Variants in ARHGAP44 observed in about 807,000 individuals in gnomAD.
ARHGAP44 encodes rho GTPase-activating protein 44.
Under a neutral mutation model 106.8 loss-of-function variants are expected in ARHGAP44, and 43 were observed. The observed-to-expected ratio is 0.40, with a 90% CI of 0.32 to 0.52. ARHGAP44 has a LOEUF of 0.52. Among genes scored for constraint, ARHGAP44 ranks in the 20% least tolerant of loss-of-function variants. ARHGAP44 has a pLI of 0.48. For missense variants in ARHGAP44, 866 were observed against 1,050.5 expected, an observed-to-expected ratio of 0.82 and a Z score of 2.43; for synonymous variants, 439 against 410.3, an observed-to-expected ratio of 1.07 and a Z score of -0.85.
intron 12 of ARHGAP44, among the ~76,000 whole-genome samples, chr17:12,951,715 A>G (rs2038995539): frequency 1.3e-5 from 2 of 152,204 alleles, no homozygotes; most frequent in African/African-American, 4.8e-5. Context: ...ACATGCATGT[A>G]GTACCTAAGA....
chr17:12,897,582 T>C (rs2037248741), intron 3 of ARHGAP44, among the ~76,000 whole-genome samples: 1 of 152,136 alleles, frequency 6.6e-6, no homozygotes, highest in African/African-American at 2.4e-5. Flanking sequence ...CAAGAGGAAC[T>C]GTCTAAAGGG....
chr17:12,895,977 A>G (rs1206114691), intron 2 of ARHGAP44, among the ~76,000 whole-genome samples: 1 of 152,116 alleles, frequency 6.6e-6, no homozygotes, highest in African/African-American at 2.4e-5. Context: ...GCTGGAAACC[A>G]TCATTCTGAG....
intron 1 of ARHGAP44, among the ~76,000 whole-genome samples, chr17:12,870,707 A>G (rs1378898634): frequency 3.3e-5 from 5 of 152,200 alleles, no homozygotes; most frequent in Middle Eastern, 3.2e-3. Context: ...CTGCTAGTTT[A>G]CATACACATA....
At chr17:12,963,657 G>A (rs1390280941) in intron 16 of ARHGAP44, among the ~76,000 whole-genome samples, 1 of 152,028 alleles carries the variant, frequency 6.6e-6, no homozygotes, top group Non-Finnish European at 1.5e-5. Flanking sequence ...AGACAGGTCG[G>A]CCTTGCACCA....
chr17:12,904,714 G>A (rs140672346), intron 3 of ARHGAP44, among the ~76,000 whole-genome samples: 94 of 152,268 alleles, frequency 6.2e-4, no homozygotes, highest in Middle Eastern at 3.4e-3. Context: ...GTATGCTAAC[G>A]TGGGGAGAAA....
chr17:12,946,823 C>T (rs1469455232), intron 10 of ARHGAP44, among the ~76,000 whole-genome samples: 1 of 151,264 alleles, frequency 6.6e-6, no homozygotes, highest in East Asian at 1.9e-4. Flanking sequence ...ATTAATATTC[C>T]CCAAAAAGTA....
At chr17:12,928,847 A>T in intron 6 of ARHGAP44, 82 bp from the exon 7 acceptor site, 1 of 1,232,188 alleles carries the variant, frequency 8.1e-7, no homozygotes, top group South Asian at 1.3e-5. Context: ...TGATATTTGT[A>T]ACCAGATGTT....
rs1296469651 is a variant in ARHGAP44 at position 12,915,946 on chromosome 17, G to A, written c.322G>A (p.Glu108Lys). ...CGETEDKLAQELIHFELQVER... is the reference protein window; with the variant it reads ...CGETEDKLAQKLIHFELQVER... ...AGAGACGGAGGACAAGCTGGCTCAG[G>A]AGCTGATACATTTTGAGTTGCAAGT... is the stretch of plus-strand genomic sequence containing the variant. The change falls in exon 5 of 21, where the codon GAG becomes AAG. Residue 108 changes from glutamate (E) to lysine (K), a missense_variant. Glu to Lys is a moderately conservative substitution (Grantham distance 56, BLOSUM62 1). Transcript: ENST00000379672. 6.2e-7 allele frequency: 1 copy of A among 1,613,906 alleles called. No individual in the cohort carries two copies. Among genetic ancestry groups the A allele is most frequent in the Non-Finnish European group, 8.5e-7 (1 of 1,179,864 alleles).
At chr17:12,899,427 A>T (rs2037307782) in intron 3 of ARHGAP44, among the ~76,000 whole-genome samples, 1 of 152,092 alleles carries the variant, frequency 6.6e-6, no homozygotes, top group South Asian at 2.1e-4. Context: ...TCCAAACTCA[A>T]TTTTTTTCAG....
At chr17:12,927,259 A>C (rs1189560012) in intron 6 of ARHGAP44, among the ~76,000 whole-genome samples, 1 of 152,176 alleles carries the variant, frequency 6.6e-6, no homozygotes, top group Non-Finnish European at 1.5e-5. Context: ...CCGTGATTGC[A>C]TTCTTTAAGT....
intron 1 of ARHGAP44, among the ~76,000 whole-genome samples, chr17:12,815,759 T>G (rs2034580642): frequency 6.6e-6 from 1 of 152,294 alleles, no homozygotes; most frequent in South Asian, 2.1e-4. Context: ...TCTCCTTTTA[T>G]TGCTTGAGAA....
At chr17:12,950,229 G>T (rs193069419) in intron 12 of ARHGAP44, among the ~76,000 whole-genome samples, 1 of 152,138 alleles carries the variant, frequency 6.6e-6, no homozygotes, top group Non-Finnish European at 1.5e-5. Context: ...ATTCCTCCTG[G>T]CCAGAAAAGT....
intron 1 of ARHGAP44, among the ~76,000 whole-genome samples, chr17:12,839,125 C>G (rs1042675440): frequency 1.3e-5 from 2 of 152,196 alleles, no homozygotes; most frequent in Non-Finnish European, 2.9e-5. Context: ...AAAAGATCCA[C>G]TGCTAGACTG....
intron 1 of ARHGAP44, among the ~76,000 whole-genome samples, chr17:12,794,530 T>C (rs2033861710): frequency 6.6e-6 from 1 of 152,196 alleles, no homozygotes; most frequent in South Asian, 2.1e-4. Context: ...GCTTGTCCTC[T>C]TGTTTAAAAT....
intron 16 of ARHGAP44, among the ~76,000 whole-genome samples, chr17:12,965,127 A>G (rs1002147155): frequency 6.6e-6 from 1 of 152,114 alleles, no homozygotes; most frequent in Non-Finnish European, 1.5e-5. Flanking sequence ...GACAGCATCT[A>G]TGAAGCTGCC....
At chr17:12,836,565 T>C (rs960287946) in intron 1 of ARHGAP44, among the ~76,000 whole-genome samples, 1 of 151,858 alleles carries the variant, frequency 6.6e-6, no homozygotes, top group African/African-American at 2.4e-5. Context: ...GGACAATTGC[T>C]TGAACCCAGG....
chr17:12,912,993 G>A (rs985519097), intron 4 of ARHGAP44, among the ~76,000 whole-genome samples: 1 of 152,176 alleles, frequency 6.6e-6, no homozygotes, highest in Non-Finnish European at 1.5e-5. Flanking sequence ...CAAGACAGAG[G>A]AAGAGAATCC....
At chr17:12,933,750 A>G (rs1243277054) in intron 7 of ARHGAP44, among the ~76,000 whole-genome samples, 3 of 152,222 alleles carry the variant, frequency 2.0e-5, no homozygotes, top group Admixed American at 6.5e-5. Flanking sequence ...TTTGCTTCGT[A>G]CAGGAGACTG....
rs2037440245 is a variant in ARHGAP44 at position 12,903,136 on chromosome 17, AGAGAGTGTGTGTGTGTGTGTGT to A, written c.199-5759_199-5738del. ...AGAGAGAGAGAGAGAGGAGAGAGAG[AGAGAGTGTGTGTGTGTGTGTGT>A]GTGTGTGTGTGTGTGTGTGTGTGTG... On this transcript the variant is annotated intron_variant, in intron 3 of 20. Coordinates refer to ENST00000379672, the MANE Select transcript of ARHGAP44 (RefSeq NM_014859.6). Among the ~76,000 whole-genome samples the A allele has an allele frequency of 9.7e-3, 1,149 of 117,932 alleles. 6 individuals are homozygous for A. The highest frequency in any genetic ancestry group is 0.036 in the African/African-American group (1,094 of 30,468). The allele number at this position is 117,932 out of a possible 152,430, so 77.4% of individuals were successfully genotyped here.
Sources: allele counts gnomAD v4.1 joint callset (sites outside exome capture counted in the v4.1 genomes callset), GRCh38; gene constraint gnomAD v4.1.1; transcripts MANE v1.5; gene names NCBI Gene and HGNC (gene_info 2026-07-23, HGNC 2026-07-21).